Variants in ARMH3 observed in about 807,000 individuals in gnomAD.
ARMH3 encodes the protein armadillo like helical domain containing 3, also known as armadillo-like helical domain-containing protein 3.
ARMH3 carries 60 observed loss-of-function variants against 99.1 expected under a neutral mutation model. The observed-to-expected ratio is 0.61, with a 90% CI of 0.49 to 0.75. The LOEUF (loss-of-function observed/expected upper bound fraction) is 0.75, where lower values mean the gene tolerates loss of function less well. Among genes scored for constraint, ARMH3 ranks in the 30% least tolerant of loss-of-function variants. The pLI, the probability that ARMH3 is intolerant of heterozygous loss-of-function variation, is 0.00. For missense variants in ARMH3, 679 were observed against 843.1 expected (o/e 0.81, Z 2.41); for synonymous variants, 285 against 292.8 (o/e 0.97, Z 0.27).
intron 1 of ARMH3, among the ~76,000 whole-genome samples, chr10:102,044,643 C>T (rs575726316): frequency 2.0e-5 from 3 of 152,194 alleles, no homozygotes; most frequent in East Asian, 3.9e-4. Context: ...GAATTGCAGG[C>T]GTGAGCCACT....
intron 22 of ARMH3, among the ~76,000 whole-genome samples, chr10:101,941,436 T>C (rs531010525): frequency 6.2e-4 from 94 of 152,270 alleles, no homozygotes; most frequent in Non-Finnish European, 1.1e-3. Flanking sequence ...GTGTGACCAA[T>C]CTGTATATGA....
intron 20 of ARMH3, among the ~76,000 whole-genome samples, chr10:101,973,169 C>T (rs1226433067): frequency 6.6e-6 from 1 of 151,764 alleles, no homozygotes; most frequent in Admixed American, 6.6e-5. Context: ...GACCATCCTG[C>T]CTAACACGGT....
intron 23 of ARMH3, among the ~76,000 whole-genome samples, chr10:101,901,660 C>T (rs1169086247): frequency 6.6e-6 from 1 of 152,072 alleles, no homozygotes; most frequent in Non-Finnish European, 1.5e-5. Context: ...GAGATGGCTT[C>T]CTATAAGAAG....
chr10:102,025,012 C>T (rs1419161884), intron 6 of ARMH3, 144 bp downstream of exon 6: 4 of 680,880 alleles, frequency 5.9e-6, no homozygotes. Context: ...CAGCTAACTT[C>T]CTATACATCC....
intron 1 of ARMH3, among the ~76,000 whole-genome samples, chr10:102,043,471 T>C (rs2067469208): frequency 6.6e-6 from 1 of 152,220 alleles, no homozygotes; most frequent in Admixed American, 6.5e-5. Flanking sequence ...CTTGATTCTC[T>C]GGGAGCTCAT....
intron 23 of ARMH3, among the ~76,000 whole-genome samples, chr10:101,910,732 A>C (rs1348017070): frequency 8.0e-6 from 1 of 125,596 alleles, no homozygotes; most frequent in Non-Finnish European, 1.8e-5. Flanking sequence ...ACTCCATCTC[A>C]AAAAAAAAAA....
At chr10:102,044,187 G>A (rs576355103) in intron 1 of ARMH3, among the ~76,000 whole-genome samples, 2 of 150,768 alleles carry the variant, frequency 1.3e-5, no homozygotes, top group African/African-American at 4.9e-5. Context: ...TCCGCCTCCT[G>A]GGTTCACGCC....
At chr10:101,864,363 T>C (rs1359311049) in intron 24 of ARMH3, among the ~76,000 whole-genome samples, 1 of 152,112 alleles carries the variant, frequency 6.6e-6, no homozygotes, top group Non-Finnish European at 1.5e-5. Flanking sequence ...GAACAAGAAA[T>C]ACCATTTGAC....
chr10:101,911,571 TA>T (rs1371150370), intron 23 of ARMH3, among the ~76,000 whole-genome samples: 2 of 151,952 alleles, frequency 1.3e-5, no homozygotes, highest in African/African-American at 2.4e-5. Flanking sequence ...ACTCCATCTC[TA>T]AAAAATAAAG....
intron 1 of ARMH3, among the ~76,000 whole-genome samples, chr10:102,053,500 G>A (rs2067759773): frequency 6.6e-6 from 1 of 151,456 alleles, no homozygotes; most frequent in African/African-American, 2.4e-5. Context: ...CTCCCAAAGT[G>A]CTAGGATTAC....
chr10:101,911,117 G>A (rs924873651), intron 23 of ARMH3, among the ~76,000 whole-genome samples: 6 of 151,752 alleles, frequency 4.0e-5, no homozygotes, highest in Non-Finnish European at 8.8e-5. Flanking sequence ...CTCCAGCCTG[G>A]GTGACAGAGT....
intron 19 of ARMH3, among the ~76,000 whole-genome samples, chr10:101,977,253 T>G (rs1846052944): frequency 6.6e-6 from 1 of 152,218 alleles, no homozygotes; most frequent in African/African-American, 2.4e-5. Flanking sequence ...TATTTCCAAA[T>G]AAGCAGTTAG....
At chr10:102,021,818 T>C (rs978912646) in intron 8 of ARMH3, among the ~76,000 whole-genome samples, 1 of 152,134 alleles carries the variant, frequency 6.6e-6, no homozygotes, top group African/African-American at 2.4e-5. Flanking sequence ...AGTGCTGGGA[T>C]TACAGGCATA....
At chr10:101,971,471 G>A (rs559177458) in intron 20 of ARMH3, among the ~76,000 whole-genome samples, 2 of 152,016 alleles carry the variant, frequency 1.3e-5, no homozygotes, top group South Asian at 2.1e-4. Context: ...CTTGGGGCAG[G>A]AGCTGAGGTG....
At chr10:101,926,619 G>A (rs754493799) in intron 23 of ARMH3, among the ~76,000 whole-genome samples, 1 of 152,128 alleles carries the variant, frequency 6.6e-6, no homozygotes, top group South Asian at 2.1e-4. Context: ...ATATAGAATG[G>A]AAAAGAGAAA....
At chr10:101,975,756 C>T (rs979132661) in intron 19 of ARMH3, among the ~76,000 whole-genome samples, 3 of 151,742 alleles carry the variant, frequency 2.0e-5, no homozygotes, top group Non-Finnish European at 4.4e-5. Flanking sequence ...CCCAGCTACT[C>T]GGTTGAGGCA....
At chr10:101,939,572 T>G (rs981774950) in intron 23 of ARMH3, among the ~76,000 whole-genome samples, 2 of 152,222 alleles carry the variant, frequency 1.3e-5, no homozygotes, top group Non-Finnish European at 2.9e-5. Flanking sequence ...AGTTTTCAGA[T>G]GACCTATACA....
chr10:101,988,532 T>C (rs192772567), intron 19 of ARMH3, among the ~76,000 whole-genome samples: 1 of 152,294 alleles, frequency 6.6e-6, no homozygotes, highest in East Asian at 1.9e-4. Context: ...CCAAAAGGTA[T>C]GGAAAAATGC....
At chr10:101,953,604 T>C (rs1309193269) in intron 22 of ARMH3, among the ~76,000 whole-genome samples, 8 of 149,450 alleles carry the variant, frequency 5.4e-5, no homozygotes, top group Non-Finnish European at 1.2e-4. Context: ...AAAGAAGATA[T>C]ATAGATGGCA....
Sources: allele counts gnomAD v4.1 joint callset (sites outside exome capture counted in the v4.1 genomes callset), GRCh38; gene constraint gnomAD v4.1.1; transcripts MANE v1.5; gene names NCBI Gene and HGNC (gene_info 2026-07-23, HGNC 2026-07-21).